NALF1: variants seen among roughly 807,000 people sequenced by gnomAD.
NALF1 encodes NALCN channel auxiliary factor 1.
Under a neutral mutation model 48.4 loss-of-function variants are expected in NALF1, and 3 were observed. That is an observed-to-expected ratio of 0.06 (90% confidence interval 0.03 to 0.16). The LOEUF (loss-of-function observed/expected upper bound fraction) is 0.16, where lower values mean the gene tolerates loss of function less well. NALF1 is among the 10% of genes least tolerant of loss of function. The pLI is 1.00. For synonymous variants in NALF1, 262 were observed against 245.7 expected (o/e 1.07, Z -0.62); for missense variants, 526 against 571.5 (o/e 0.92, Z 0.81).
At chr13:107,540,800 A>G (rs1004055912) in intron 1 of NALF1, among the ~76,000 whole-genome samples, 2 of 152,122 alleles carry the variant, frequency 1.3e-5, no homozygotes, top group African/African-American at 4.8e-5. Context: ...CATTGGCCAA[A>G]AAAAGTTTTT....
intron 1 of NALF1, among the ~76,000 whole-genome samples, chr13:107,298,831 C>G: frequency 6.6e-6 from 1 of 152,152 alleles, no homozygotes; most frequent in East Asian, 1.9e-4. Flanking sequence ...GTTCGCCCAG[C>G]TTTCCCTAAT....
intron 1 of NALF1, among the ~76,000 whole-genome samples, chr13:107,792,522 A>T (rs950279307): frequency 5.3e-5 from 8 of 152,286 alleles, no homozygotes; most frequent in African/African-American, 1.9e-4. Flanking sequence ...CCTATGGCTC[A>T]ACCCAAACTT....
intron 1 of NALF1, among the ~76,000 whole-genome samples, chr13:107,810,546 T>G (rs1422782848): frequency 6.6e-6 from 1 of 152,160 alleles, no homozygotes; most frequent in Non-Finnish European, 1.5e-5. Flanking sequence ...TAGCTTCTTT[T>G]ATATTTATAC....
chr13:107,491,448 C>T (rs982836175), intron 1 of NALF1, among the ~76,000 whole-genome samples: 1 of 145,504 alleles, frequency 6.9e-6, no homozygotes, highest in Admixed American at 6.8e-5. Flanking sequence ...AGTTCGGGCT[C>T]CACTCAGGGA....
chr13:107,781,660 C>T (rs1446575550), intron 1 of NALF1, among the ~76,000 whole-genome samples: 1 of 151,756 alleles, frequency 6.6e-6, no homozygotes, highest in East Asian at 1.9e-4. Context: ...TACTAGATCA[C>T]ATTAGATCCA....
chr13:107,457,983 T>G (rs1227000509), intron 1 of NALF1, among the ~76,000 whole-genome samples: 6 of 151,752 alleles, frequency 4.0e-5, no homozygotes, highest in African/African-American at 1.5e-4. Flanking sequence ...TGACAAACAC[T>G]CCACAGCCTG....
chr13:107,417,055 C>T (rs1417776664), intron 1 of NALF1, among the ~76,000 whole-genome samples: 1 of 152,214 alleles, frequency 6.6e-6, no homozygotes, highest in Non-Finnish European at 1.5e-5. Context: ...TTCATCCCAT[C>T]CCGACATTAT....
At chr13:107,322,670 G>C (rs1339412143) in intron 1 of NALF1, among the ~76,000 whole-genome samples, 1 of 152,138 alleles carries the variant, frequency 6.6e-6, no homozygotes, top group East Asian at 1.9e-4. Flanking sequence ...CTCAGATTTT[G>C]ATGGGCTCAG....
intron 1 of NALF1, among the ~76,000 whole-genome samples, chr13:107,697,375 AT>A (rs967229733): frequency 1.3e-5 from 2 of 152,162 alleles, no homozygotes; most frequent in African/African-American, 4.8e-5. Context: ...GTGAAAAAAA[AT>A]CAATTCCAAG....
intron 1 of NALF1, among the ~76,000 whole-genome samples, chr13:107,395,281 G>A (rs1883693520): frequency 6.6e-6 from 1 of 152,054 alleles, no homozygotes; most frequent in Non-Finnish European, 1.5e-5. Flanking sequence ...TACCTTCTGT[G>A]GTGGTTGCTG....
chr13:107,242,784 G>A (rs565779062), intron 1 of NALF1, among the ~76,000 whole-genome samples: 19 of 152,008 alleles, frequency 1.2e-4, no homozygotes, highest in Non-Finnish European at 2.1e-4. Flanking sequence ...TAACTTGTAG[G>A]TTATACAAGT....
chr13:107,399,889 G>GA (rs1209773454), intron 1 of NALF1, among the ~76,000 whole-genome samples: 1 of 151,894 alleles, frequency 6.6e-6, no homozygotes, highest in Non-Finnish European at 1.5e-5. Flanking sequence ...CCATATTGTT[G>GA]AAAAAATGAA....
intron 1 of NALF1, among the ~76,000 whole-genome samples, chr13:107,641,310 G>A (rs145061316): frequency 1.5e-4 from 23 of 152,232 alleles, no homozygotes; most frequent in Non-Finnish European, 2.1e-4. Flanking sequence ...AATACCATTC[G>A]ATACAAGGAG....
At chr13:107,615,416 G>C (rs1030814727) in intron 1 of NALF1, among the ~76,000 whole-genome samples, 1 of 152,100 alleles carries the variant, frequency 6.6e-6, no homozygotes, top group Non-Finnish European at 1.5e-5. Context: ...CTATCCCCCT[G>C]TCAAAGTCTC....
intron 1 of NALF1, among the ~76,000 whole-genome samples, chr13:107,281,894 C>T (rs572383433): frequency 1.2e-4 from 18 of 152,220 alleles, no homozygotes; most frequent in South Asian, 8.3e-4. Context: ...CTCAATATCA[C>T]GGGGCAGCCT....
chr13:107,485,638 G>A (rs2139064686), intron 1 of NALF1, among the ~76,000 whole-genome samples: 1 of 152,292 alleles, frequency 6.6e-6, no homozygotes. Context: ...GTACTCAGTA[G>A]AGAACGAAGT....
At chr13:107,532,407 A>G (rs16970626) in intron 1 of NALF1, among the ~76,000 whole-genome samples, 3,661 of 152,184 alleles carry the variant, frequency 0.024, 142 homozygotes, top group African/African-American at 0.083. Context: ...AAGAAAAATC[A>G]TTCATTGCTA....
At chr13:107,688,703 T>A (rs1881496703) in intron 1 of NALF1, among the ~76,000 whole-genome samples, 1 of 152,220 alleles carries the variant, frequency 6.6e-6, no homozygotes, top group African/African-American at 2.4e-5. Context: ...TGTATCTCTG[T>A]GCCATTCCAG....
intron 1 of NALF1, among the ~76,000 whole-genome samples, chr13:107,609,112 A>C (rs1879154023): frequency 6.6e-6 from 1 of 151,426 alleles, no homozygotes; most frequent in South Asian, 2.1e-4. Flanking sequence ...GGTGCCCCAA[A>C]ACTTCCACCT....
Sources: allele counts gnomAD v4.1 joint callset (sites outside exome capture counted in the v4.1 genomes callset), GRCh38; gene constraint gnomAD v4.1.1; transcripts MANE v1.5; gene names NCBI Gene and HGNC (gene_info 2026-07-23, HGNC 2026-07-21).